Variants in PRKAG2 observed in about 807,000 individuals in gnomAD.
PRKAG2 encodes the protein 5'-AMP-activated protein kinase subunit gamma-2.
Under a neutral mutation model 69.6 loss-of-function variants are expected in PRKAG2, and 26 were observed. The ratio of observed to expected loss-of-function variants is 0.37; its 90% confidence interval spans 0.27 to 0.52. The LOEUF (loss-of-function observed/expected upper bound fraction) is 0.52. PRKAG2 is among the 20% of genes least tolerant of loss of function. The pLI is 0.90. For synonymous variants in PRKAG2, 293 were observed against 285.0 expected (o/e 1.03, Z -0.28); for missense variants, 557 against 740.0 (o/e 0.75, Z 2.87).
At chr7:151,841,543 TAGTA>T (rs1362424084) in intron 1 of PRKAG2, among the ~76,000 whole-genome samples, 220 of 136,038 alleles carry the variant, frequency 1.6e-3, no homozygotes, top group Non-Finnish European at 2.1e-3. Context: ...ATGGTAGTGA[TAGTA>T]GGTAGGGATG....
chr7:151,563,743 C>A (rs916185365), intron 14 of PRKAG2, among the ~76,000 whole-genome samples: 1 of 152,170 alleles, frequency 6.6e-6, no homozygotes, highest in African/African-American at 2.4e-5. Context: ...CCATGCCCAG[C>A]TAATTTATTT....
chr7:151,583,598 C>A lies in PRKAG2; in HGVS notation c.865-7146G>T, dbSNP rs546034368. On this transcript the variant is annotated intron_variant, in intron 6 of 15. Coordinates refer to ENST00000287878, the MANE Select transcript of PRKAG2 (RefSeq NM_016203.4). This position sits in a 1 kb window ranked among gnomAD's most constrained non-coding sequence, Gnocchi z 4.1. ...TTGGAAAATTCTCCATAATTATAGACGGCACAGGGTGTTCCAATTAACCAA... is the reference window on the plus strand; with the variant it reads ...TTGGAAAATTCTCCATAATTATAGAAGGCACAGGGTGTTCCAATTAACCAA... Among the ~76,000 whole-genome samples the A allele has an allele frequency of 6.6e-6, 1 of 152,220 alleles. No homozygotes were observed. Among genetic ancestry groups the A allele is most frequent in the African/African-American group, 2.4e-5 (1 of 41,554 alleles).
In PRKAG2 at chr7:151,748,613, G is replaced by T. The variant is rs186064134; in HGVS notation, c.466+32539C>A. ...AATATAAATTGTTTTGGAATGTTTG[G>T]TTTTTTTAACCATGCGATTGAACTA... On this transcript the variant is annotated intron_variant, in intron 3 of 15. Coordinates refer to ENST00000287878, the MANE Select transcript of PRKAG2 (RefSeq NM_016203.4). Among the ~76,000 whole-genome samples, 1,475 of 152,148 alleles carry T rather than the reference G, an allele frequency of 9.7e-3. 12 individuals carry two copies. Among genetic ancestry groups the T allele is most frequent in the Middle Eastern group, 0.017 (5 of 294 alleles).
Position 151,835,543 on chromosome 7 carries a change from G to A in PRKAG2, c.114+40964C>T, listed in dbSNP as rs891879297. On this transcript the variant is annotated intron_variant, in intron 1 of 15. Coordinates refer to ENST00000287878, the MANE Select transcript of PRKAG2 (RefSeq NM_016203.4). This position sits in a 1 kb window ranked among gnomAD's most constrained non-coding sequence, Gnocchi z 4.1. ...CTCTTGTCTGCCTGCTTACCCTTCC[G>A]AGGCATCTAACAGCATCCTCCCTGG... Among the ~76,000 whole-genome samples the A allele has an allele frequency of 6.6e-6, 1 of 152,036 alleles. No individual in the cohort carries two copies. Among genetic ancestry groups the A allele is most frequent in the Non-Finnish European group, 1.5e-5 (1 of 68,002 alleles).
chr7:151,689,101 C>CT (rs1219580241), intron 3 of PRKAG2, among the ~76,000 whole-genome samples: 1 of 152,256 alleles, frequency 6.6e-6, no homozygotes, highest in Non-Finnish European at 1.5e-5. Context: ...CACACTAAAG[C>CT]TTCCAGAGCA....
At chr7:151,735,651 C>A (rs142831014) in intron 3 of PRKAG2, among the ~76,000 whole-genome samples, 2 of 152,336 alleles carry the variant, frequency 1.3e-5, no homozygotes, top group Non-Finnish European at 2.9e-5. Flanking sequence ...CATCACTAGC[C>A]TCCCTGGGCC....
intron 6 of PRKAG2, among the ~76,000 whole-genome samples, chr7:151,586,318 G>A (rs1448263753): frequency 6.8e-6 from 1 of 147,904 alleles, no homozygotes; most frequent in African/African-American, 2.5e-5. Flanking sequence ...AGAAAGGCAG[G>A]TGAATCTCCT....
intron 3 of PRKAG2, among the ~76,000 whole-genome samples, chr7:151,728,447 TG>T (rs34305388): frequency 6.6e-6 from 1 of 152,080 alleles, no homozygotes; most frequent in Non-Finnish European, 1.5e-5. Context: ...TCTCACAGGA[TG>T]GGGGTGACAG....
chr7:151,861,307 C>T (rs1586739654), intron 1 of PRKAG2, among the ~76,000 whole-genome samples: 1 of 151,922 alleles, frequency 6.6e-6, no homozygotes, highest in South Asian at 2.1e-4. Flanking sequence ...GAGGCGGGTG[C>T]ATCACTTGAG....
Position 151,808,065 on chromosome 7 carries a change from G to A in PRKAG2, c.115-21524C>T, listed in dbSNP as rs960433108. Among the ~76,000 whole-genome samples, 9 of 152,236 alleles carry A rather than the reference G, an allele frequency of 5.9e-5. No individual in the cohort carries two copies. In the East Asian group the frequency reaches 1.4e-3, roughly 23 times the overall value. ...CGACGGCAGATATTTAAAATGTGAGGAACCCCGGCCACAGCGGGCGGGGCT... is the reference window on the plus strand; with the variant it reads ...CGACGGCAGATATTTAAAATGTGAGAAACCCCGGCCACAGCGGGCGGGGCT... On this transcript the variant is annotated intron_variant, in intron 1 of 15. Coordinates refer to ENST00000287878, the MANE Select transcript of PRKAG2 (RefSeq NM_016203.4).
At chr7:151,847,386 T>C (rs1430409706) in intron 1 of PRKAG2, among the ~76,000 whole-genome samples, 1 of 152,146 alleles carries the variant, frequency 6.6e-6, no homozygotes, top group Admixed American at 6.5e-5. Flanking sequence ...AGGTGGCTCT[T>C]AGCTGACTTT....
At position 151,836,187 on chromosome 7, in the gene PRKAG2, C is replaced by A. The variant is rs753908656; in HGVS notation, c.114+40320G>T. 6.6e-6 allele frequency among the ~76,000 whole-genome samples: 1 copy of A among 152,200 alleles called. No homozygotes were observed. The highest frequency in any genetic ancestry group is 1.5e-5 in the Non-Finnish European group (1 of 68,032). ...CATTCCTTCCCCTATAGCATGATTT[C>A]TCTTTTATGTTTTGTCTGTCATCTC... On this transcript the variant is annotated intron_variant, in intron 1 of 15. Transcript: ENST00000287878. This position sits in a 1 kb window ranked among gnomAD's most constrained non-coding sequence, Gnocchi z 4.1.
At chr7:151,580,059 G>T (rs1486340072) in intron 6 of PRKAG2, among the ~76,000 whole-genome samples, 2 of 152,118 alleles carry the variant, frequency 1.3e-5, no homozygotes, top group Middle Eastern at 6.3e-3. Flanking sequence ...AATACTTAAG[G>T]GAGGCCAGGT....
chr7:151,640,886 G>C (rs140613243), intron 4 of PRKAG2, among the ~76,000 whole-genome samples: 414 of 152,316 alleles, frequency 2.7e-3, no homozygotes, highest in Non-Finnish European at 5.0e-3. Flanking sequence ...AAAAATATTT[G>C]AGTGAAATGA....
At position 151,556,863 on chromosome 7, in the gene PRKAG2, T is replaced by A; in HGVS notation, c.*338A>T. On this transcript the variant is annotated 3_prime_UTR_variant, in exon 16 of 16. Coordinates refer to ENST00000287878, the MANE Select transcript of PRKAG2 (RefSeq NM_016203.4). ...GACATAAGGCACTGTGATCTGAACA[T>A]ACCGTGCACTCACCTTATGCCACAT... 2.7e-6 allele frequency: 1 copy of A among 368,962 alleles called. No homozygotes were observed. The highest frequency in any genetic ancestry group is 6.5e-5 in the East Asian group (1 of 15,492). The allele number at this position is 368,962 out of a possible 1,614,324, so 22.9% of individuals were successfully genotyped here.
At chr7:151,640,790 T>C (rs1276315678) in intron 4 of PRKAG2, among the ~76,000 whole-genome samples, 1 of 152,154 alleles carries the variant, frequency 6.6e-6, no homozygotes, top group African/African-American at 2.4e-5. Context: ...CTTTTCTGTT[T>C]CCTCTGAGTC....
chr7:151,572,556 A>G lies in PRKAG2; in HGVS notation c.1051+108T>C, dbSNP rs1405584181. 5 of 817,430 alleles carry G rather than the reference A, an allele frequency of 6.1e-6. No homozygotes were observed. The Admixed American group carries it at 1.1e-4, about 18-fold the overall frequency. 50.6% of individuals were successfully genotyped at this position (817,430 alleles called of 1,614,324 possible). On this transcript the variant is annotated intron_variant, in intron 9 of 15. Coordinates refer to ENST00000287878, the MANE Select transcript of PRKAG2 (RefSeq NM_016203.4). Reference sequence around the variant, plus strand: ...AGAAATAAAGAGAATGTTTTATATAACATTTTATGGAGCAGAGAGAAAAGG... The same window carrying G: ...AGAAATAAAGAGAATGTTTTATATAGCATTTTATGGAGCAGAGAGAAAAGG...
intron 5 of PRKAG2, among the ~76,000 whole-genome samples, chr7:151,618,112 A>C (rs925504375): frequency 6.6e-6 from 1 of 152,192 alleles, no homozygotes; most frequent in African/African-American, 2.4e-5. Flanking sequence ...GCTTGAGCTC[A>C]GGAGTTCAAG....
chr7:151,801,233 C>T (rs966012165), intron 1 of PRKAG2, among the ~76,000 whole-genome samples: 1 of 152,206 alleles, frequency 6.6e-6, no homozygotes, highest in East Asian at 1.9e-4. Flanking sequence ...AGGTGCATGC[C>T]ATGCTCCCAG....
Sources: gnomAD v4.1 joint callset for allele counts (sites outside exome capture counted in the v4.1 genomes callset) on GRCh38, gnomAD v4.1.1 for gene constraint, Gnocchi (gnomAD v3.1) non-coding constraint, MANE v1.5 for transcripts, NCBI Gene and HGNC (gene_info 2026-07-23, HGNC 2026-07-21) for gene names.